Variants in KCNIP4 observed in about 807,000 individuals in gnomAD.
KCNIP4 encodes Kv channel-interacting protein 4.
Under a neutral mutation model 34.0 loss-of-function variants are expected in KCNIP4, and 12 were observed. That is an observed-to-expected ratio of 0.35 (90% confidence interval 0.23 to 0.57). KCNIP4 has a LOEUF of 0.57. Ranked by LOEUF, KCNIP4 falls within the 20% of genes least tolerant of loss-of-function variation. KCNIP4 has a pLI of 0.83. For missense variants in KCNIP4, 238 were observed against 311.7 expected, an observed-to-expected ratio of 0.76 and a Z score of 1.78; for synonymous variants, 124 against 102.2, an observed-to-expected ratio of 1.21 and a Z score of -1.29.
intron 1 of KCNIP4, among the ~76,000 whole-genome samples, chr4:21,607,175 TG>T (rs1346898294): frequency 6.6e-6 from 1 of 152,090 alleles, no homozygotes; most frequent in African/African-American, 2.4e-5. Flanking sequence ...TCAATCCCAA[TG>T]CCACCACATA....
intron 1 of KCNIP4, among the ~76,000 whole-genome samples, chr4:21,035,687 T>A (rs1741387865): frequency 6.6e-6 from 1 of 152,218 alleles, no homozygotes. Context: ...TGAGGCTTTA[T>A]AATGTACGAT....
chr4:21,193,191 C>T (rs1755805634), intron 1 of KCNIP4, among the ~76,000 whole-genome samples: 2 of 151,890 alleles, frequency 1.3e-5, no homozygotes, highest in Admixed American at 6.6e-5. Context: ...GCCTAGGAGG[C>T]CCTACAAAAT....
At chr4:20,936,659 C>T (rs189561007) in intron 1 of KCNIP4, among the ~76,000 whole-genome samples, 90 of 152,282 alleles carry the variant, frequency 5.9e-4, no homozygotes, top group Admixed American at 1.2e-3. Context: ...AGTCTTCACT[C>T]ATCCCTTCAT....
intron 1 of KCNIP4, among the ~76,000 whole-genome samples, chr4:21,274,791 G>A (rs1369826875): frequency 1.3e-5 from 2 of 152,134 alleles, no homozygotes; most frequent in African/African-American, 2.4e-5. Context: ...TTACTCAGCT[G>A]TTTCTATACT....
chr4:21,575,996 C>T (rs530912979), intron 1 of KCNIP4, among the ~76,000 whole-genome samples: 66 of 152,148 alleles, frequency 4.3e-4, no homozygotes, highest in Middle Eastern at 3.4e-3. Flanking sequence ...CATTCATTTG[C>T]GTATACTTCT....
At chr4:21,259,475 C>A (rs575943640) in intron 1 of KCNIP4, among the ~76,000 whole-genome samples, 1 of 152,232 alleles carries the variant, frequency 6.6e-6, no homozygotes, top group Admixed American at 6.5e-5. Context: ...TTGGCCATCT[C>A]AAGTTTTTAC....
At chr4:21,158,199 T>C (rs763586621) in intron 1 of KCNIP4, among the ~76,000 whole-genome samples, 23 of 152,124 alleles carry the variant, frequency 1.5e-4, no homozygotes, top group Non-Finnish European at 3.1e-4. Flanking sequence ...TAGGCCCAGA[T>C]GGTTTTGCCT....
chr4:21,255,199 C>A (rs1417736210), intron 1 of KCNIP4, among the ~76,000 whole-genome samples: 1 of 152,070 alleles, frequency 6.6e-6, no homozygotes, highest in Non-Finnish European at 1.5e-5. Flanking sequence ...ACCTGAGCAC[C>A]CTTCCTCCCA....
At chr4:21,134,662 C>T (rs1751362004) in intron 1 of KCNIP4, among the ~76,000 whole-genome samples, 1 of 152,132 alleles carries the variant, frequency 6.6e-6, no homozygotes, top group South Asian at 2.1e-4. Flanking sequence ...ATAGATTTTT[C>T]CTTCTCTGCT....
intron 2 of KCNIP4, among the ~76,000 whole-genome samples, chr4:20,861,126 G>A (rs1284616979): frequency 6.6e-6 from 1 of 152,090 alleles, no homozygotes; most frequent in Non-Finnish European, 1.5e-5. Context: ...GATGAGTGTG[G>A]GCACGGGGAG....
At chr4:21,683,888 CTG>C (rs1203168727) in intron 1 of KCNIP4, among the ~76,000 whole-genome samples, 1 of 152,030 alleles carries the variant, frequency 6.6e-6, no homozygotes, top group Non-Finnish European at 1.5e-5. Context: ...TTACTCGAGA[CTG>C]TACGTGTTCT....
chr4:21,374,618 ATAACT>A lies in KCNIP4; in HGVS notation c.62-491914_62-491910del, dbSNP rs1022608883. ...AGGTGAACTGTATGGTATGGGCATG[ATAACT>A]TAATAGAGTGTTTTAAAATATGATG... is the stretch of plus-strand genomic sequence containing the variant. On this transcript the variant is annotated intron_variant, in intron 1 of 8. Coordinates refer to ENST00000382152, the MANE Select transcript of KCNIP4 (RefSeq NM_025221.6). 9.5e-5 allele frequency among the ~76,000 whole-genome samples: 14 copies of A among 147,698 alleles called. 1 individual carries two copies. Among genetic ancestry groups the A allele is most frequent in the African/African-American group, 3.2e-4 (12 of 37,242 alleles).
chr4:20,938,587 C>G (rs894717715), intron 1 of KCNIP4, among the ~76,000 whole-genome samples: 4 of 152,110 alleles, frequency 2.6e-5, no homozygotes, highest in African/African-American at 9.7e-5. Context: ...CTGGTCCTTC[C>G]CACTCTTTGA....
At chr4:21,087,932 C>T (rs1387228796) in intron 1 of KCNIP4, among the ~76,000 whole-genome samples, 4 of 152,188 alleles carry the variant, frequency 2.6e-5, no homozygotes, top group Non-Finnish European at 5.9e-5. Flanking sequence ...ATACGCTTCC[C>T]TTCTCACTCA....
chr4:20,775,576 G>A (rs1471986914), intron 3 of KCNIP4, among the ~76,000 whole-genome samples: 1 of 150,864 alleles, frequency 6.6e-6, no homozygotes, highest in Non-Finnish European at 1.5e-5. Context: ...AGGAGTGGTG[G>A]CATACACCTT....
chr4:21,582,978 C>G (rs1270703781), intron 1 of KCNIP4, among the ~76,000 whole-genome samples: 1 of 151,838 alleles, frequency 6.6e-6, no homozygotes, highest in Non-Finnish European at 1.5e-5. Context: ...CTCACACTAG[C>G]AATGCTCATA....
intron 2 of KCNIP4, among the ~76,000 whole-genome samples, chr4:20,876,715 C>G (rs545613786): frequency 2.0e-4 from 31 of 152,224 alleles, no homozygotes; most frequent in African/African-American, 7.5e-4. Context: ...GCTGGGACTA[C>G]AGACGTGCCA....
chr4:21,115,267 C>T (rs16870421), intron 1 of KCNIP4, among the ~76,000 whole-genome samples: 21,599 of 152,166 alleles, frequency 0.14, 1,580 homozygotes, highest in South Asian at 0.19. Flanking sequence ...CATCATTTAG[C>T]TGCTATAGAT....
At chr4:21,363,895 T>A (rs1399331283) in intron 1 of KCNIP4, among the ~76,000 whole-genome samples, 1 of 152,064 alleles carries the variant, frequency 6.6e-6, no homozygotes. Context: ...ATTTTCCAAA[T>A]CAGAAAGTAA....
Sources: gnomAD v4.1 joint callset for allele counts (sites outside exome capture counted in the v4.1 genomes callset) on GRCh38, gnomAD v4.1.1 for gene constraint, MANE v1.5 for transcripts, NCBI Gene and HGNC (gene_info 2026-07-23, HGNC 2026-07-21) for gene names.